PLA2G4A: variants seen among roughly 807,000 people sequenced by gnomAD.
The protein encoded by PLA2G4A is phospholipase A2 group IVA, also known as cytosolic phospholipase A2.
PLA2G4A carries 40 observed loss-of-function variants against 81.9 expected under a neutral mutation model. The ratio of observed to expected loss-of-function variants is 0.49; its 90% CI spans 0.38 to 0.64. The LOEUF is 0.64. Ranked by LOEUF, PLA2G4A falls within the 30% of genes least tolerant of loss-of-function variation. The pLI is 0.00. For synonymous variants in PLA2G4A, 302 were observed against 296.9 expected (o/e 1.02, Z -0.18); for missense variants, 715 against 905.1 (o/e 0.79, Z 2.69).
At chr1:186,960,306 A>G (rs1202335337) in intron 14 of PLA2G4A, among the ~76,000 whole-genome samples, 1 of 152,202 alleles carries the variant, frequency 6.6e-6, no homozygotes, top group Non-Finnish European at 1.5e-5. Flanking sequence ...AGACATCCAA[A>G]TATTTGTACA....
At chr1:186,840,988 T>C (rs752451160) in intron 1 of PLA2G4A, among the ~76,000 whole-genome samples, 1 of 152,242 alleles carries the variant, frequency 6.6e-6, no homozygotes, top group Non-Finnish European at 1.5e-5. Context: ...TAGCATTTTG[T>C]GCCACCTTGT....
At position 186,971,800 on chromosome 1, in the gene PLA2G4A, C is replaced by T. The variant is rs77662860; in HGVS notation, c.1765-5793C>T. On this transcript the variant is annotated intron_variant, in intron 15 of 17. Transcript: ENST00000367466. ...TAACATAATAAGATTTGAAAATTTG[C>T]GAGGAGTCTACATAAAGTTCTTTTG... 6.6e-3 allele frequency among the ~76,000 whole-genome samples: 997 copies of T among 151,894 alleles called. 17 individuals carry two copies. Among genetic ancestry groups the T allele is most frequent in the African/African-American group, 0.023 (970 of 41,490 alleles).
intron 3 of PLA2G4A, among the ~76,000 whole-genome samples, chr1:186,885,753 C>T (rs1196973674): frequency 6.6e-6 from 1 of 151,910 alleles, no homozygotes; most frequent in Non-Finnish European, 1.5e-5. Context: ...AACTGAAAAA[C>T]ACAAGAAATT....
At chr1:186,853,603 T>C (rs568817029) in intron 1 of PLA2G4A, among the ~76,000 whole-genome samples, 230 of 152,080 alleles carry the variant, frequency 1.5e-3, no homozygotes, top group African/African-American at 5.3e-3. Flanking sequence ...GTGTATGTTG[T>C]TTTATGAAAT....
chr1:186,924,444 C>T (rs1397688231), intron 7 of PLA2G4A, among the ~76,000 whole-genome samples: 2 of 152,198 alleles, frequency 1.3e-5, no homozygotes, highest in Non-Finnish European at 1.5e-5. Context: ...CTACTCTTCA[C>T]TTACTCCCTT....
At chr1:186,853,167 A>G (rs889413522) in intron 1 of PLA2G4A, among the ~76,000 whole-genome samples, 1 of 151,908 alleles carries the variant, frequency 6.6e-6, no homozygotes, top group Admixed American at 6.6e-5. Context: ...GATTTTTACC[A>G]TTCATATAAT....
chr1:186,963,822 C>T (rs927418938), intron 14 of PLA2G4A, among the ~76,000 whole-genome samples: 1 of 152,082 alleles, frequency 6.6e-6, no homozygotes, highest in Non-Finnish European at 1.5e-5. Context: ...AATAACTATG[C>T]CAAAGTCTTA....
At position 186,970,483 on chromosome 1, in the gene PLA2G4A, G is replaced by T. The variant is rs149072055; in HGVS notation, c.1764+4890G>T. Among the ~76,000 whole-genome samples, 1,279 of 152,108 alleles carry T rather than the reference G, an allele frequency of 8.4e-3. 20 individuals carry two copies. Among genetic ancestry groups the T allele is most frequent in the African/African-American group, 0.029 (1,212 of 41,526 alleles). The stretch of plus-strand genomic sequence containing the variant: ...GTCTTATTCAAGAAATCTTTGCCCA[G>T]ATCAGTGTCCTGGAGTGTTTTCCCA... On this transcript the variant is annotated intron_variant, in intron 15 of 17. Transcript: ENST00000367466.
At chr1:186,911,437 G>C (rs772491007) in intron 7 of PLA2G4A, 48 bp downstream of exon 7, 1 of 1,376,756 alleles carries the variant, frequency 7.3e-7, no homozygotes, top group South Asian at 1.2e-5. Context: ...TAATAATTTA[G>C]CTTGGACAAT....
chr1:186,988,300 T>C, intron 17 of PLA2G4A, 77 bp from the exon 18 acceptor site: 1 of 1,123,872 alleles, frequency 8.9e-7, no homozygotes, highest in Non-Finnish European at 1.3e-6. Context: ...AAGATTCATT[T>C]GATTTTTATT....
At chr1:186,966,809 C>G (rs1328620250) in intron 15 of PLA2G4A, among the ~76,000 whole-genome samples, 1 of 152,138 alleles carries the variant, frequency 6.6e-6, no homozygotes, top group East Asian at 1.9e-4. Context: ...CAGCAATTAT[C>G]ATAGTATGTT....
intron 13 of PLA2G4A, among the ~76,000 whole-genome samples, chr1:186,955,398 A>G (rs1242601912): frequency 1.3e-5 from 2 of 152,166 alleles, no homozygotes; most frequent in Non-Finnish European, 2.9e-5. Context: ...AGGTAACTTA[A>G]GAAATGTAGA....
At chr1:186,921,941 T>G (rs1655368779) in intron 7 of PLA2G4A, among the ~76,000 whole-genome samples, 1 of 152,156 alleles carries the variant, frequency 6.6e-6, no homozygotes, top group African/African-American at 2.4e-5. Flanking sequence ...TGCCATACCT[T>G]TGACACAGGG....
chr1:186,833,398 TA>T (rs1223290911), intron 1 of PLA2G4A, among the ~76,000 whole-genome samples: 2 of 152,088 alleles, frequency 1.3e-5, no homozygotes, highest in Non-Finnish European at 2.9e-5. Context: ...TGTTTCTTAT[TA>T]AAAAGAAAAG....
chr1:186,837,114 G>A (rs926978183), intron 1 of PLA2G4A, among the ~76,000 whole-genome samples: 8 of 152,170 alleles, frequency 5.3e-5, no homozygotes, highest in Non-Finnish European at 7.4e-5. Context: ...GAGGGAAAGT[G>A]GTTCTAGAGG....
At chr1:186,911,495 AT>A (rs1446197857) in intron 7 of PLA2G4A, 106 bp downstream of exon 7, 4 of 866,918 alleles carry the variant, frequency 4.6e-6, no homozygotes, top group Non-Finnish European at 7.8e-6. Context: ...ATTGAGCATT[AT>A]TCCTTTAGTT....
chr1:186,939,859 T>A, intron 9 of PLA2G4A, 121 bp from the exon 10 acceptor site: 1 of 650,232 alleles, frequency 1.5e-6, no homozygotes, highest in Non-Finnish European at 2.8e-6. Context: ...TTTCTAGAAG[T>A]AATAAGACTT....
intron 3 of PLA2G4A, among the ~76,000 whole-genome samples, chr1:186,873,453 A>T (rs1003881217): frequency 3.3e-5 from 5 of 152,108 alleles, no homozygotes; most frequent in African/African-American, 1.2e-4. Context: ...GCACTTATTT[A>T]TAAAGGTAGA....
Position 186,966,116 on chromosome 1 carries a change from G to A in PLA2G4A, c.1764+523G>A, listed in dbSNP as rs1210650652. 1.4e-3 allele frequency among the ~76,000 whole-genome samples: 114 copies of A among 82,384 alleles called. 2 individuals carry two copies. The South Asian group carries it at 0.046, about 34-fold the overall frequency. The allele number at this position is 82,384 out of a possible 152,430, so 54.0% of individuals were successfully genotyped here. ...AGAGTGGTTTGAGGGATGAGTGGAAGTTAAAAAAAAAAAAAAAAAAAAAGA... is the reference window on the plus strand; with the variant it reads ...AGAGTGGTTTGAGGGATGAGTGGAAATTAAAAAAAAAAAAAAAAAAAAAGA... On this transcript the variant is annotated intron_variant, in intron 15 of 17. Coordinates refer to ENST00000367466, the MANE Select transcript of PLA2G4A (RefSeq NM_024420.3).
Sources: allele counts gnomAD v4.1 joint callset (sites outside exome capture counted in the v4.1 genomes callset), GRCh38; gene constraint gnomAD v4.1.1; transcripts MANE v1.5; gene names NCBI Gene and HGNC (gene_info 2026-07-23, HGNC 2026-07-21).